The following ATRNL1 variants were observed in gnomAD, a reference collection of about 807,000 sequenced individuals.
The protein encoded by ATRNL1 is attractin like 1.
Under a neutral mutation model 182.7 loss-of-function variants are expected in ATRNL1, and 95 were observed. The ratio of observed to expected loss-of-function variants is 0.52; its 90% CI spans 0.44 to 0.62. ATRNL1 has a LOEUF of 0.62. Among genes scored for constraint, ATRNL1 ranks in the 20% least tolerant of loss-of-function variants. ATRNL1 has a pLI of 0.00. For synonymous variants in ATRNL1, 576 were observed against 568.3 expected (o/e 1.01, Z -0.19); for missense variants, 1,471 against 1,679.5 (o/e 0.88, Z 2.17).
chr10:115,482,912 CT>C (rs1406326982), intron 24 of ATRNL1, among the ~76,000 whole-genome samples: 4 of 151,288 alleles, frequency 2.6e-5, no homozygotes, highest in Admixed American at 2.6e-4. Flanking sequence ...ATATTCTTTG[CT>C]TAGGTTCCCA....
intron 8 of ATRNL1, among the ~76,000 whole-genome samples, chr10:115,185,105 G>A (rs1554888545): frequency 6.6e-6 from 1 of 151,918 alleles, no homozygotes; most frequent in African/African-American, 2.4e-5. Context: ...GCAATTGGAG[G>A]TATCAGTATG....
At chr10:115,453,587 G>A (rs1847376921) in intron 21 of ATRNL1, among the ~76,000 whole-genome samples, 1 of 151,970 alleles carries the variant, frequency 6.6e-6, no homozygotes, top group Non-Finnish European at 1.5e-5. Context: ...TTGGTAGTAT[G>A]TTCAAGAAAT....
chr10:115,890,486 C>G (rs1227540362), intron 28 of ATRNL1, among the ~76,000 whole-genome samples: 1 of 152,114 alleles, frequency 6.6e-6, no homozygotes, highest in African/African-American at 2.4e-5. Context: ...GACTCACAGT[C>G]CCTATAAAAT....
intron 8 of ATRNL1, among the ~76,000 whole-genome samples, chr10:115,183,455 C>T (rs1847824005): frequency 6.6e-6 from 1 of 150,978 alleles, no homozygotes; most frequent in African/African-American, 2.4e-5. Flanking sequence ...AAGCCAGCAG[C>T]TCATTTAATC....
At position 115,543,677 on chromosome 10, in the gene ATRNL1, A is replaced by G. The variant is rs141793965; in HGVS notation, c.3717-5781A>G. ...ATTTGTCACAGCAACCTGCATTACA[A>G]TGTAACGTTATAGCACACTATGTTA... On this transcript the variant is annotated intron_variant, in intron 25 of 28. Coordinates refer to ENST00000355044, the MANE Select transcript of ATRNL1 (RefSeq NM_207303.4). Among the ~76,000 whole-genome samples the G allele has an allele frequency of 2.0e-5, 3 of 152,298 alleles. No homozygotes were observed. The East Asian group carries it at 5.8e-4, about 29-fold the overall frequency.
intron 21 of ATRNL1, among the ~76,000 whole-genome samples, chr10:115,441,680 G>GTCATAT: frequency 6.6e-6 from 1 of 151,994 alleles, no homozygotes; most frequent in Middle Eastern, 3.4e-3. Flanking sequence ...TTATTAGAAA[G>GTCATAT]TCATATTCAG....
chr10:115,298,771 A>G (rs1853327942), intron 15 of ATRNL1, among the ~76,000 whole-genome samples: 1 of 152,086 alleles, frequency 6.6e-6, no homozygotes, highest in Non-Finnish European at 1.5e-5. Flanking sequence ...TTTTTATTCT[A>G]ATGAATTTTG....
intron 28 of ATRNL1, among the ~76,000 whole-genome samples, chr10:115,884,488 G>A (rs1555109328): frequency 6.6e-5 from 10 of 152,152 alleles, no homozygotes. Flanking sequence ...TCCTAATTAT[G>A]TCTCTCTCTA....
chr10:115,776,479 C>A (rs1326252713), intron 27 of ATRNL1, among the ~76,000 whole-genome samples: 1 of 152,092 alleles, frequency 6.6e-6, no homozygotes, highest in Non-Finnish European at 1.5e-5. Flanking sequence ...AGGTCTCTTC[C>A]TCTTGAATCT....
intron 28 of ATRNL1, among the ~76,000 whole-genome samples, chr10:115,881,275 C>G (rs900669797): frequency 2.0e-5 from 3 of 152,206 alleles, no homozygotes; most frequent in East Asian, 1.9e-4. Flanking sequence ...CTGTCCTGCT[C>G]CAGAGTTTAT....
intron 1 of ATRNL1, among the ~76,000 whole-genome samples, chr10:115,118,663 GTCC>G (rs1844595305): frequency 6.6e-6 from 1 of 151,980 alleles, no homozygotes; most frequent in Non-Finnish European, 1.5e-5. Flanking sequence ...TCCAACTTTT[GTCC>G]TCCTCTCCCC....
In ATRNL1 at chr10:115,752,913, G is replaced by T. The variant is rs79658438; in HGVS notation, c.3903+25558G>T. ...AAGTATTGCCAACACTTTTGGAAAT[G>T]AAGCTGTGCTGTTTTGCATGAGGAC... On this transcript the variant is annotated intron_variant, in intron 27 of 28. Transcript: ENST00000355044. Among the ~76,000 whole-genome samples the T allele has an allele frequency of 8.9e-3, 1,348 of 152,152 alleles. 31 individuals carry two copies. The highest frequency in any genetic ancestry group is 0.049 in the South Asian group (237 of 4,822).
At chr10:115,096,198 C>T (rs1554863078) in intron 1 of ATRNL1, among the ~76,000 whole-genome samples, 1 of 152,052 alleles carries the variant, frequency 6.6e-6, no homozygotes, top group Non-Finnish European at 1.5e-5. Flanking sequence ...CTATTATTTC[C>T]TAGGACTCAT....
chr10:115,776,624 C>T (rs1182873779), intron 27 of ATRNL1, among the ~76,000 whole-genome samples: 7 of 141,608 alleles, frequency 4.9e-5, no homozygotes, highest in African/African-American at 1.9e-4. Context: ...AAGCTAGAGG[C>T]TCGTACATCT....
chr10:115,193,374 G>A (rs115129276), intron 8 of ATRNL1, among the ~76,000 whole-genome samples: 1,791 of 152,084 alleles, frequency 0.012, 34 homozygotes, highest in African/African-American at 0.04. Flanking sequence ...TGTTTGATGG[G>A]AGACATTTCA....
chr10:115,633,123 C>G (rs1436233873), intron 26 of ATRNL1, among the ~76,000 whole-genome samples: 2 of 152,088 alleles, frequency 1.3e-5, no homozygotes, highest in African/African-American at 4.8e-5. Flanking sequence ...GTTGGCCAGG[C>G]TGGCCTCGAA....
chr10:115,757,494 T>C (rs1948620972), intron 27 of ATRNL1, among the ~76,000 whole-genome samples: 1 of 152,224 alleles, frequency 6.6e-6, no homozygotes, highest in Non-Finnish European at 1.5e-5. Context: ...TCCCCTACTC[T>C]CTTCTGGCTT....
intron 5 of ATRNL1, among the ~76,000 whole-genome samples, chr10:115,157,307 G>A (rs1213587561): frequency 5.4e-5 from 8 of 146,876 alleles, no homozygotes; most frequent in African/African-American, 1.9e-4. Context: ...AATGGGTGGG[G>A]AAGTCTTTTT....
intron 20 of ATRNL1, among the ~76,000 whole-genome samples, chr10:115,414,394 A>G (rs1310321296): frequency 1.4e-5 from 2 of 142,120 alleles, no homozygotes; most frequent in Non-Finnish European, 3.1e-5. Flanking sequence ...CTCTCCTCCT[A>G]TTTCCCTCCT....
Sources: gnomAD v4.1 joint callset for allele counts (sites outside exome capture counted in the v4.1 genomes callset) on GRCh38, gnomAD v4.1.1 for gene constraint, MANE v1.5 for transcripts, NCBI Gene and HGNC (gene_info 2026-07-23, HGNC 2026-07-21) for gene names.